The following TMPRSS7 variants were observed in gnomAD, a reference collection of about 807,000 sequenced individuals.
The protein encoded by TMPRSS7 is transmembrane serine protease 7.
TMPRSS7 carries 81 observed loss-of-function variants against 95.6 expected under a neutral mutation model. The ratio of observed to expected loss-of-function variants is 0.85; its 90% CI spans 0.71 to 1.02. The LOEUF (loss-of-function observed/expected upper bound fraction) is 1.02. Among genes scored for constraint, TMPRSS7 ranks in the 50% least tolerant of loss-of-function variants. TMPRSS7 has a pLI of 0.00. For synonymous variants in TMPRSS7, 364 were observed against 337.8 expected (o/e 1.08, Z -0.85); for missense variants, 945 against 955.2 (o/e 0.99, Z 0.14).
At chr3:112,073,068 C>A (rs2073670151) in intron 13 of TMPRSS7, among the ~76,000 whole-genome samples, 1 of 151,750 alleles carries the variant, frequency 6.6e-6, no homozygotes, top group South Asian at 2.1e-4. Flanking sequence ...CATGTCCTCT[C>A]CAGCATCTGT....
chr3:112,034,897 A>G lies in TMPRSS7; in HGVS notation c.48+4A>G. 4.3e-6 allele frequency: 3 copies of G among 702,966 alleles called. No individual in the cohort carries two copies. Among genetic ancestry groups the G allele is most frequent in the Admixed American group, 2.0e-5 (1 of 50,016 alleles). The allele number at this position is 702,966 out of a possible 1,614,324, so 43.5% of individuals were successfully genotyped here. A position where few individuals can be genotyped will look rare whatever the true frequency, so the allele number is the denominator to read the frequency against. ...AGCCGCACCTGCTGACCTGAAAGTAAGTACAGGGTGAGAAACTTTCTCTTA... is the reference window on the plus strand; with the variant it reads ...AGCCGCACCTGCTGACCTGAAAGTAGGTACAGGGTGAGAAACTTTCTCTTA... On this transcript the variant is annotated splice_donor_region_variant and intron_variant, in intron 1 of 17. Transcript: ENST00000452346.
At chr3:112,052,628 A>G (rs542862282) in intron 9 of TMPRSS7, among the ~76,000 whole-genome samples, 4 of 152,262 alleles carry the variant, frequency 2.6e-5, no homozygotes, top group Non-Finnish European at 4.4e-5. Context: ...AGAGGAGATG[A>G]AAGAAAGGGT....
intron 13 of TMPRSS7, among the ~76,000 whole-genome samples, chr3:112,071,496 A>G (rs1406572209): frequency 1.3e-5 from 2 of 152,138 alleles, no homozygotes; most frequent in Non-Finnish European, 2.9e-5. Context: ...TTGGCCTGCC[A>G]TGTAAGGTTG....
intron 2 of TMPRSS7, among the ~76,000 whole-genome samples, chr3:112,039,095 G>A (rs1011239138): frequency 3.3e-5 from 5 of 152,106 alleles, no homozygotes; most frequent in African/African-American, 7.2e-5. Context: ...CTGTTATTAC[G>A]TGTTTGTTGA....
intron 9 of TMPRSS7, among the ~76,000 whole-genome samples, chr3:112,053,879 C>A (rs1049537955): frequency 1.3e-5 from 2 of 152,190 alleles, no homozygotes; most frequent in Non-Finnish European, 2.9e-5. Context: ...TTACCACCTC[C>A]CTTCTTTTTT....
At chr3:112,066,929 A>G (rs1318071522) in intron 13 of TMPRSS7, among the ~76,000 whole-genome samples, 1 of 152,128 alleles carries the variant, frequency 6.6e-6, no homozygotes, top group Non-Finnish European at 1.5e-5. Flanking sequence ...TGCTGTACCC[A>G]TCAACTCGTC....
chr3:112,053,492 A>T (rs2073391270), intron 9 of TMPRSS7, among the ~76,000 whole-genome samples: 1 of 152,234 alleles, frequency 6.6e-6, no homozygotes, highest in African/African-American at 2.4e-5. Flanking sequence ...GCCTAGTAGC[A>T]AGATAAAGTT....
At chr3:112,038,449 T>G in intron 2 of TMPRSS7, 128 bp downstream of exon 2, 1 of 599,052 alleles carries the variant, frequency 1.7e-6, no homozygotes, top group South Asian at 2.1e-5. Context: ...GATACACCAT[T>G]TCCAAAACTG....
intron 10 of TMPRSS7, among the ~76,000 whole-genome samples, chr3:112,058,692 G>A (rs2073462640): frequency 6.6e-6 from 1 of 152,140 alleles, no homozygotes; most frequent in Non-Finnish European, 1.5e-5. Context: ...TTTTGTGAAG[G>A]TGTAAGCCTG....
At chr3:112,074,239 T>C in intron 13 of TMPRSS7, 57 bp from the exon 14 acceptor site, 15 of 1,218,530 alleles carry the variant, frequency 1.2e-5, no homozygotes, top group Non-Finnish European at 1.6e-5. Context: ...TCAAATCTCA[T>C]TCACTCAAGT....
chr3:112,046,519 T>C (rs910030958), intron 5 of TMPRSS7, among the ~76,000 whole-genome samples: 3 of 152,182 alleles, frequency 2.0e-5, no homozygotes, highest in African/African-American at 4.8e-5. Context: ...TTTAAAAATA[T>C]ATAAGTATAT....
At chr3:112,064,356 C>CTTTTTTTTTT (rs1553764669) in intron 12 of TMPRSS7, among the ~76,000 whole-genome samples, 73 of 150,568 alleles carry the variant, frequency 4.8e-4, no homozygotes, top group African/African-American at 1.7e-3. Flanking sequence ...GTTTTCTTTT[C>CTTTTTTTTTT]TTTTTTCTTT....
chr3:112,045,293 ACCTG>A (rs1369010388), intron 4 of TMPRSS7, among the ~76,000 whole-genome samples: 2 of 152,048 alleles, frequency 1.3e-5, no homozygotes, highest in African/African-American at 4.8e-5. Context: ...GATTACAGGC[ACCTG>A]CCAGTATGCC....
rs1161735611 is a variant in TMPRSS7 at position 112,054,729 on chromosome 3, C to CTTTTTTTTTTTTTTTTTTTTTTTTTTTTT, written c.1204-2295_1204-2267dup. Among the ~76,000 whole-genome samples the CTTTTTTTTTTTTTTTTTTTTTTTTTTTTT allele has an allele frequency of 1.0e-4, 5 of 49,026 alleles. 1 individual carries two copies. Among genetic ancestry groups the CTTTTTTTTTTTTTTTTTTTTTTTTTTTTT allele is most frequent in the Admixed American group, 8.0e-4 (2 of 2,510 alleles). The allele number at this position is 49,026 out of a possible 152,430, so 32.2% of individuals were successfully genotyped here. ...AACATATTTACTATCTCTCAGTTTG[C>CTTTTTTTTTTTTTTTTTTTTTTTTTTTTT]TTTTTTTTTTTTTTTTTTTTTTTTT... On this transcript the variant is annotated intron_variant, in intron 9 of 17. Transcript: ENST00000452346.
intron 7 of TMPRSS7, among the ~76,000 whole-genome samples, chr3:112,048,737 A>G (rs2073310714): frequency 6.6e-6 from 1 of 152,232 alleles, no homozygotes; most frequent in South Asian, 2.1e-4. Flanking sequence ...TTCAAACACT[A>G]TATAAGAATA....
intron 3 of TMPRSS7, among the ~76,000 whole-genome samples, chr3:112,043,605 G>A (rs1308810329): frequency 6.6e-6 from 1 of 152,150 alleles, no homozygotes; most frequent in African/African-American, 2.4e-5. Flanking sequence ...AATTATGTAA[G>A]TGGTTTTCAA....
exon 5 of TMPRSS7, chr3:112,045,780 C>T (rs767673800): frequency 1.3e-6 from 2 of 1,551,158 alleles, no homozygotes; most frequent in African/African-American, 1.4e-5. Context: ...TCCTTGTCCA[C>T]TTTTGGATTG....
chr3:112,077,207 T>A, intron 16 of TMPRSS7, 63 bp downstream of exon 16: 1 of 1,552,734 alleles, frequency 6.4e-7, no homozygotes, highest in Non-Finnish European at 8.8e-7. Flanking sequence ...GTTTATGTAG[T>A]GCTTTAGGGT....
At chr3:112,053,196 C>A (rs1349562397) in intron 9 of TMPRSS7, among the ~76,000 whole-genome samples, 1 of 124,612 alleles carries the variant, frequency 8.0e-6, no homozygotes, top group Non-Finnish European at 1.7e-5. Context: ...AAAAAAAAAA[C>A]TCGATGACTT....
Sources: gnomAD v4.1 joint callset for allele counts (sites outside exome capture counted in the v4.1 genomes callset) on GRCh38, gnomAD v4.1.1 for gene constraint, MANE v1.5 for transcripts, NCBI Gene and HGNC (gene_info 2026-07-23, HGNC 2026-07-21) for gene names.